Variants in PTPRO observed in about 807,000 individuals in gnomAD.
The protein encoded by PTPRO is protein tyrosine phosphatase receptor type O, also known as receptor-type tyrosine-protein phosphatase O.
A neutral mutation model predicts 145.2 loss-of-function variants in PTPRO; 62 were observed. That is an observed-to-expected ratio of 0.43 (90% CI 0.35 to 0.53). PTPRO has a LOEUF of 0.53. PTPRO is among the 20% of genes least tolerant of loss of function. The pLI is 0.01. For synonymous variants in PTPRO, 565 were observed against 514.7 expected (o/e 1.10, Z -1.32); for missense variants, 1,345 against 1,482.7 (o/e 0.91, Z 1.53).
chr12:15,501,528 A>T, intron 4 of PTPRO, 92 bp from the exon 5 acceptor site: 1 of 1,188,902 alleles, frequency 8.4e-7, no homozygotes, highest in Non-Finnish European at 1.2e-6. Flanking sequence ...CACTTTTAAA[A>T]ATCTGCTTGT....
intron 19 of PTPRO, among the ~76,000 whole-genome samples, chr12:15,575,360 G>A (rs1812760993): frequency 6.6e-6 from 1 of 152,166 alleles, no homozygotes; most frequent in African/African-American, 2.4e-5. Flanking sequence ...CCACCTCTGT[G>A]AGCAGGCTAG....
At chr12:15,461,275 G>T (rs976728141) in intron 1 of PTPRO, among the ~76,000 whole-genome samples, 2 of 152,076 alleles carry the variant, frequency 1.3e-5, no homozygotes, top group East Asian at 3.9e-4. Flanking sequence ...CTGTAAGCTG[G>T]AAGCACAAGC....
chr12:15,444,472 C>T (rs528636277), intron 1 of PTPRO, among the ~76,000 whole-genome samples: 3 of 151,910 alleles, frequency 2.0e-5, no homozygotes, highest in South Asian at 4.2e-4. Flanking sequence ...GTGTATGTAC[C>T]CCCAAATCAA....
At chr12:15,323,640 C>T (rs1025285154) in intron 1 of PTPRO, among the ~76,000 whole-genome samples, 4 of 152,192 alleles carry the variant, frequency 2.6e-5, no homozygotes, top group African/African-American at 9.7e-5. Context: ...TTGTCTATCA[C>T]TCATGTCTTC....
intron 15 of PTPRO, among the ~76,000 whole-genome samples, chr12:15,554,244 G>T (rs1943554954): frequency 6.6e-6 from 1 of 152,118 alleles, no homozygotes; most frequent in South Asian, 2.1e-4. Context: ...CACTTGAAAG[G>T]ATGGAGCTGC....
At chr12:15,511,885 T>C (rs1942448881) in intron 7 of PTPRO, among the ~76,000 whole-genome samples, 1 of 151,952 alleles carries the variant, frequency 6.6e-6, no homozygotes, top group Non-Finnish European at 1.5e-5. Flanking sequence ...TTTAAACAGC[T>C]ATGATTCCAG....
chr12:15,574,943 T>C (rs1016060710), intron 19 of PTPRO, among the ~76,000 whole-genome samples: 1 of 152,170 alleles, frequency 6.6e-6, no homozygotes, highest in Non-Finnish European at 1.5e-5. Context: ...TATTGCAGGT[T>C]ATGGGCTGAA....
intron 1 of PTPRO, among the ~76,000 whole-genome samples, chr12:15,381,189 A>C (rs1268336254): frequency 6.6e-6 from 1 of 152,200 alleles, no homozygotes; most frequent in Non-Finnish European, 1.5e-5. Flanking sequence ...CTCAGAATAC[A>C]ATTTTTAAGA....
intron 2 of PTPRO, among the ~76,000 whole-genome samples, chr12:15,490,743 G>GT (rs1941984127): frequency 6.6e-6 from 1 of 152,144 alleles, no homozygotes; most frequent in Non-Finnish European, 1.5e-5. Context: ...AAGATAAGAA[G>GT]TATCAATGGC....
chr12:15,438,003 C>A (rs1254991559), intron 1 of PTPRO, among the ~76,000 whole-genome samples: 1 of 152,194 alleles, frequency 6.6e-6, no homozygotes, highest in Non-Finnish European at 1.5e-5. Flanking sequence ...CAGATACCAG[C>A]CACTTTGACC....
chr12:15,324,772 C>T (rs893179036), intron 1 of PTPRO, among the ~76,000 whole-genome samples: 14 of 151,922 alleles, frequency 9.2e-5, no homozygotes, highest in South Asian at 2.1e-4. Flanking sequence ...ATTTTACATA[C>T]GTTATTTCAT....
intron 1 of PTPRO, among the ~76,000 whole-genome samples, chr12:15,463,797 A>G (rs759330479): frequency 1.3e-5 from 2 of 152,176 alleles, no homozygotes; most frequent in Non-Finnish European, 2.9e-5. Context: ...TAATACAATA[A>G]TATGGTTTTA....
At chr12:15,392,412 A>T (rs1036575381) in intron 1 of PTPRO, among the ~76,000 whole-genome samples, 3 of 152,190 alleles carry the variant, frequency 2.0e-5, no homozygotes, top group African/African-American at 7.2e-5. Flanking sequence ...GGCAGTAGTT[A>T]GATAAGCTTT....
intron 9 of PTPRO, among the ~76,000 whole-genome samples, chr12:15,519,205 C>A (rs759985626): frequency 3.9e-5 from 6 of 152,124 alleles, no homozygotes; most frequent in Non-Finnish European, 7.3e-5. Context: ...AGGAAAACTC[C>A]CCCTTACAAT....
intron 17 of PTPRO, 33 bp downstream of exon 17, chr12:15,560,309 C>G (rs1198579379): frequency 1.4e-6 from 2 of 1,468,846 alleles, no homozygotes; most frequent in African/African-American, 1.4e-5. Flanking sequence ...TTAACACAAA[C>G]TCTTTAAAAG....
At chr12:15,540,468 C>A (rs143744873) in intron 12 of PTPRO, among the ~76,000 whole-genome samples, 1,717 of 152,258 alleles carry the variant, frequency 0.011, 32 homozygotes, top group African/African-American at 0.04. Context: ...TTCCTTATTA[C>A]CAATGTTGCA....
At chr12:15,381,481 G>T (rs1252357026) in intron 1 of PTPRO, among the ~76,000 whole-genome samples, 1 of 151,942 alleles carries the variant, frequency 6.6e-6, no homozygotes, top group Non-Finnish European at 1.5e-5. Flanking sequence ...GCCAACAATG[G>T]GCAAATGACA....
In PTPRO at chr12:15,597,718, C is replaced by T. The variant is rs896537176; in HGVS notation, c.*1645C>T. Among the ~76,000 whole-genome samples, 7 of 152,172 alleles carry T rather than the reference C, an allele frequency of 4.6e-5. No homozygotes were observed. Among genetic ancestry groups the T allele is most frequent in the African/African-American group, 1.7e-4 (7 of 41,448 alleles). On this transcript the variant is annotated 3_prime_UTR_variant, in exon 27 of 27. Transcript: ENST00000281171. Reference sequence around the variant, plus strand: ...AGGATGCCCATACCCTGCAGGTTAACAGCTTGGGCTCCTCAGGGGTTGTCA... The same window carrying T: ...AGGATGCCCATACCCTGCAGGTTAATAGCTTGGGCTCCTCAGGGGTTGTCA...
At chr12:15,546,287 G>A (rs1943286594) in intron 12 of PTPRO, 1 of 1,179,500 alleles carries the variant, frequency 8.5e-7, no homozygotes, top group Non-Finnish European at 1.1e-6. Context: ...AAATGACACA[G>A]AAACTATTAA....
Sources: gnomAD v4.1 joint callset for allele counts (sites outside exome capture counted in the v4.1 genomes callset) on GRCh38, gnomAD v4.1.1 for gene constraint, MANE v1.5 for transcripts, NCBI Gene and HGNC (gene_info 2026-07-23, HGNC 2026-07-21) for gene names.